The following ZBTB16 variants were observed in gnomAD, a reference collection of about 807,000 sequenced individuals.
ZBTB16 encodes the protein zinc finger and BTB domain-containing protein 16.
A neutral mutation model predicts 56.8 loss-of-function variants in ZBTB16; 8 were observed. That is an observed-to-expected ratio of 0.14 (90% CI 0.08 to 0.25). The LOEUF is 0.25. Among genes scored for constraint, ZBTB16 ranks in the 10% least tolerant of loss-of-function variants. ZBTB16 has a pLI of 1.00. For synonymous variants in ZBTB16, 363 were observed against 368.5 expected (o/e 0.98, Z 0.17); for missense variants, 625 against 903.0 (o/e 0.69, Z 3.95).
intron 3 of ZBTB16, among the ~76,000 whole-genome samples, chr11:114,181,934 A>G (rs1034492591): frequency 4.6e-5 from 7 of 152,092 alleles, no homozygotes; most frequent in Non-Finnish European, 1.5e-5. Context: ...GGGTGTTCTC[A>G]CGTGGTGGCC....
intron 4 of ZBTB16, among the ~76,000 whole-genome samples, chr11:114,189,977 A>G (rs1943453375): frequency 6.6e-6 from 1 of 152,224 alleles, no homozygotes; most frequent in African/African-American, 2.4e-5. Flanking sequence ...TATTCATACC[A>G]TGGTATACTA....
chr11:114,209,532 C>G, intron 4 of ZBTB16: 1 of 985,408 alleles, frequency 1.0e-6, no homozygotes, highest in Non-Finnish European at 1.2e-6. Flanking sequence ...CTCCTGGCCT[C>G]TGACCCTGAG....
chr11:114,120,895 C>T (rs1399508791), intron 2 of ZBTB16, among the ~76,000 whole-genome samples: 1 of 152,170 alleles, frequency 6.6e-6, no homozygotes, highest in Non-Finnish European at 1.5e-5. Flanking sequence ...GCCTTTTGGA[C>T]TCTGTGTTCC....
At chr11:114,104,551 T>C (rs1164253108) in intron 2 of ZBTB16, among the ~76,000 whole-genome samples, 2 of 152,034 alleles carry the variant, frequency 1.3e-5, no homozygotes, top group South Asian at 2.1e-4. Flanking sequence ...ATTGGTGTTG[T>C]TTTGCTGTGG....
chr11:114,106,914 T>A (rs1940811752), intron 2 of ZBTB16, among the ~76,000 whole-genome samples: 1 of 152,214 alleles, frequency 6.6e-6, no homozygotes, highest in Non-Finnish European at 1.5e-5. Context: ...AATTTTCCCT[T>A]TATACCAGCT....
chr11:114,070,122 G>T (rs571052536), intron 2 of ZBTB16, among the ~76,000 whole-genome samples: 16 of 92,504 alleles, frequency 1.7e-4, no homozygotes, highest in East Asian at 7.4e-4. Context: ...TTTTTTTTGA[G>T]ACGGAGTCTC....
At chr11:114,107,456 A>G (rs1940835512) in intron 2 of ZBTB16, among the ~76,000 whole-genome samples, 1 of 152,116 alleles carries the variant, frequency 6.6e-6, no homozygotes, top group African/African-American at 2.4e-5. Context: ...AACAAATCCA[A>G]CAACTCTGCC....
chr11:114,161,678 A>G (rs551475633), intron 3 of ZBTB16, among the ~76,000 whole-genome samples: 3 of 152,324 alleles, frequency 2.0e-5, no homozygotes, highest in African/African-American at 7.2e-5. Context: ...TGCAGGGTTT[A>G]GAAGAGATGG....
At chr11:114,191,316 G>A (rs146755378) in intron 4 of ZBTB16, among the ~76,000 whole-genome samples, 56 of 152,262 alleles carry the variant, frequency 3.7e-4, no homozygotes, top group Admixed American at 2.9e-3. Context: ...TTATAATACC[G>A]TATTTTTACT....
chr11:114,140,797 T>A (rs980564254), intron 2 of ZBTB16, among the ~76,000 whole-genome samples: 2 of 152,332 alleles, frequency 1.3e-5, no homozygotes, highest in East Asian at 3.9e-4. Flanking sequence ...GTCCTGTAGA[T>A]GTGTGACAGT....
intron 2 of ZBTB16, among the ~76,000 whole-genome samples, chr11:114,124,390 C>G (rs238895): frequency 0.43 from 64,741 of 151,430 alleles, 14,049 homozygotes; most frequent in Admixed American, 0.49. Context: ...CTCCCACCCT[C>G]TATTCTCTCT....
intron 2 of ZBTB16, among the ~76,000 whole-genome samples, chr11:114,130,541 A>G (rs1433124664): frequency 6.6e-6 from 1 of 152,226 alleles, no homozygotes; most frequent in Non-Finnish European, 1.5e-5. Flanking sequence ...CGCATCTACA[A>G]ATATGTATGA....
chr11:114,120,437 TCTA>T (rs2137802554), intron 2 of ZBTB16, among the ~76,000 whole-genome samples: 1 of 152,312 alleles, frequency 6.6e-6, no homozygotes, highest in Admixed American at 6.5e-5. Context: ...CTTCACCTCT[TCTA>T]CTGTTTCATC....
intron 2 of ZBTB16, among the ~76,000 whole-genome samples, chr11:114,131,398 A>C (rs537578409): frequency 1.6e-4 from 25 of 152,328 alleles, no homozygotes; most frequent in African/African-American, 4.6e-4. Flanking sequence ...TGCACATAAA[A>C]TCTTTTGTTT....
Position 114,064,276 on chromosome 11 carries a change from C to T in ZBTB16, c.976C>T (p.Pro326Ser). The change falls in exon 2 of 7, where the codon CCG becomes TCG. Residue 326 changes from proline to serine, a missense_variant. Physicochemically the swap from Pro to Ser is moderately conservative, Grantham distance 74 (BLOSUM62 -1). This residue lies in a region of ZBTB16 where 384 missense variants were observed against 393.5 expected (regional missense o/e 0.98). Transcript: ENST00000335953. The surrounding 1 kb of genome is among the most constrained non-coding windows in gnomAD (Gnocchi z 4.2). Reference protein sequence around the residue: ...PTGRPEHPAPPPEKHLGIYSV... With the variant: ...PTGRPEHPAPSPEKHLGIYSV... ...TGGCCGACCTGAGCACCCAGCACCC[C>T]CGCCTGAGAAGCATCTGGGCATCTA... 6.2e-7 allele frequency: 1 copy of T among 1,614,122 alleles called. No homozygotes were observed. Among genetic ancestry groups the T allele is most frequent in the Admixed American group, 1.7e-5 (1 of 60,026 alleles).
intron 4 of ZBTB16, among the ~76,000 whole-genome samples, chr11:114,219,221 C>T (rs1293933594): frequency 6.6e-6 from 1 of 152,156 alleles, no homozygotes; most frequent in East Asian, 1.9e-4. Flanking sequence ...ATTACATCCC[C>T]ATGGGTCAGA....
intron 4 of ZBTB16, among the ~76,000 whole-genome samples, chr11:114,204,392 A>G (rs1352722251): frequency 1.3e-5 from 2 of 152,008 alleles, no homozygotes; most frequent in East Asian, 3.9e-4. Context: ...CACCCACCTC[A>G]CCCTCTTAAA....
intron 3 of ZBTB16, among the ~76,000 whole-genome samples, chr11:114,178,414 A>T (rs1301266454): frequency 6.6e-6 from 1 of 152,200 alleles, no homozygotes; most frequent in Non-Finnish European, 1.5e-5. Context: ...CAGAAGAGAT[A>T]ATTCACTTCT....
intron 4 of ZBTB16, among the ~76,000 whole-genome samples, chr11:114,206,693 A>G (rs1943882949): frequency 6.6e-6 from 1 of 152,274 alleles, no homozygotes; most frequent in Admixed American, 6.5e-5. Flanking sequence ...CAGAAAGCTA[A>G]CTATTGCTAG....
Sources: allele counts gnomAD v4.1 joint callset (sites outside exome capture counted in the v4.1 genomes callset), GRCh38; gene constraint gnomAD v4.1.1; regional missense constraint gnomAD v4.1.1; non-coding constraint Gnocchi (gnomAD v3.1); transcripts MANE v1.5; gene names NCBI Gene and HGNC (gene_info 2026-07-23, HGNC 2026-07-21).